The following BCAR1 variants were observed in gnomAD, a reference collection of about 807,000 sequenced individuals.
BCAR1 encodes the protein BCAR1 scaffold protein, Cas family member, also known as breast cancer anti-estrogen resistance protein 1.
In BCAR1, 30 loss-of-function variants were observed where a neutral mutation model predicts 67.6. The ratio of observed to expected loss-of-function variants is 0.44; its 90% CI spans 0.33 to 0.60. BCAR1 has a LOEUF of 0.60. Among genes scored for constraint, BCAR1 ranks in the 20% least tolerant of loss-of-function variants. The pLI is 0.02. For missense variants in BCAR1, 1,313 were observed against 1,222.3 expected (o/e 1.07, Z -1.11); for synonymous variants, 626 against 556.7 (o/e 1.12, Z -1.75).
rs777232134 is a variant in BCAR1 at position 75,235,206 on chromosome 16, C to A, written c.1693G>T (p.Gly565Cys). 1.2e-6 allele frequency: 2 copies of A among 1,608,396 alleles called. No homozygotes were observed. The highest frequency in any genetic ancestry group is 2.2e-5 in the South Asian group (2 of 91,008). Reference protein sequence around the residue: ...LVAHGQALDAGRGGSGATLED... With the variant: ...LVAHGQALDACRGGSGATLED... ...AGGGTGGCTCCAGAGCCTCCCCGGC[C>A]AGCGTCGAGGGCCTGACCATGTGCC... The change falls in exon 5 of 7, where the codon GGC (glycine) becomes TGC (cysteine). Residue 565 changes from glycine (G) to cysteine (C), a missense_variant. Coordinates refer to ENST00000162330, the MANE Select transcript of BCAR1 (RefSeq NM_014567.5).
intron 1 of BCAR1, among the ~76,000 whole-genome samples, chr16:75,267,097 GCCTTTTT>G (rs988389373): frequency 1.6e-4 from 24 of 152,302 alleles, no homozygotes; most frequent in African/African-American, 5.8e-4. Flanking sequence ...TGGGTTTTCA[GCCTTTTT>G]CCCCAAGGGG....
chr16:75,249,459 C>G (rs114101963), intron 1 of BCAR1: 2 of 152,256 alleles, frequency 1.3e-5, no homozygotes, highest in African/African-American at 2.4e-5. Context: ...CCCTCTTACA[C>G]GGAGACCACC....
At chr16:75,232,375 G>T (rs534864966) in intron 6 of BCAR1, among the ~76,000 whole-genome samples, 2 of 152,230 alleles carry the variant, frequency 1.3e-5, no homozygotes, top group African/African-American at 2.4e-5. Flanking sequence ...GACCAGGCTG[G>T]TCTCAAACTC....
Position 75,229,407 on chromosome 16 carries a change from T to C in BCAR1, c.*104A>G. The C allele has an allele frequency of 1.4e-6, 2 of 1,401,350 alleles. No individual in the cohort carries two copies. The highest frequency in any genetic ancestry group is 1.9e-6 in the Non-Finnish European group (2 of 1,068,182). 86.8% of individuals were successfully genotyped at this position (1,401,350 alleles called of 1,614,324 possible). A position where few individuals can be genotyped will look rare whatever the true frequency, so the allele number is the denominator to read the frequency against. On this transcript the variant is annotated 3_prime_UTR_variant, in exon 7 of 7. Coordinates refer to ENST00000162330, the MANE Select transcript of BCAR1 (RefSeq NM_014567.5). ...CAGGGCACCAGGACCGACGCAGAGCTGGGGTCCTGTCCCTAAGCCTGTGGC... is the reference window on the plus strand; with the variant it reads ...CAGGGCACCAGGACCGACGCAGAGCCGGGGTCCTGTCCCTAAGCCTGTGGC...
intron 2 of BCAR1, chr16:75,238,976 G>A (rs1398168718): frequency 2.0e-6 from 2 of 985,282 alleles, no homozygotes; most frequent in African/African-American, 3.5e-5. Flanking sequence ...CACCCTGCCG[G>A]TGGCCATCCC....
chr16:75,266,859 G>T, intron 1 of BCAR1: 1 of 1,164,110 alleles, frequency 8.6e-7, no homozygotes, highest in Non-Finnish European at 1.1e-6. Context: ...GACGGAGCCA[G>T]CTCCATGAGG....
chr16:75,235,953 C>T lies in BCAR1; in HGVS notation c.946G>A (p.Val316Met). Reference protein sequence around the residue: ...YDVPPSVSKDVPDGPLLREET... With the variant: ...YDVPPSVSKDMPDGPLLREET... Reference sequence around the variant, plus strand: ...TCACGCAGCAGTGGGCCATCGGGCACATCCTTGCTCACCGATGGAGGAACG... The same window carrying T: ...TCACGCAGCAGTGGGCCATCGGGCATATCCTTGCTCACCGATGGAGGAACG... Residue 316 changes from valine (V) to methionine (M), a missense_variant, in exon 5 of 7, where the codon GTG becomes ATG. Val to Met is a conservative substitution (Grantham distance 21, BLOSUM62 1). This residue lies in a region of BCAR1 where 1,272 missense variants were observed against 1,137.5 expected (regional missense o/e 1.12). Coordinates refer to ENST00000162330, the MANE Select transcript of BCAR1 (RefSeq NM_014567.5). The T allele has an allele frequency of 6.3e-7, 1 of 1,575,268 alleles. No homozygotes were observed. The highest frequency in any genetic ancestry group is 8.6e-7 in the Non-Finnish European group (1 of 1,159,772).
At chr16:75,264,703 C>G in intron 1 of BCAR1, 4 of 1,213,944 alleles carry the variant, frequency 3.3e-6, no homozygotes, top group Non-Finnish European at 4.1e-6. Flanking sequence ...GTCATCTGCA[C>G]TCACTCTGGG....
intron 1 of BCAR1, among the ~76,000 whole-genome samples, chr16:75,258,069 C>T (rs544803640): frequency 6.6e-6 from 1 of 152,328 alleles, no homozygotes; most frequent in Admixed American, 6.5e-5. Flanking sequence ...CACAGCGGCA[C>T]CCTAGTGTCC....
intron 1 of BCAR1, among the ~76,000 whole-genome samples, chr16:75,262,863 G>A (rs11149810): frequency 0.44 from 66,380 of 152,080 alleles, 16,317 homozygotes; most frequent in Admixed American, 0.6. Flanking sequence ...TCCCAGGGAC[G>A]CAGAAGAGGT....
intron 1 of BCAR1, chr16:75,263,717 G>C (rs1272014376): frequency 1.0e-6 from 1 of 985,448 alleles, no homozygotes; most frequent in Non-Finnish European, 1.2e-6. Flanking sequence ...GCCCATCTAG[G>C]AAAAGACTGC....
At chr16:75,266,961 G>T (rs1340961086) in intron 1 of BCAR1, among the ~76,000 whole-genome samples, 5 of 152,198 alleles carry the variant, frequency 3.3e-5, no homozygotes, top group African/African-American at 4.8e-5. Flanking sequence ...CCATGTGGGG[G>T]GCGGGCCCTT....
chr16:75,247,985 G>A, intron 1 of BCAR1: 3 of 928,186 alleles, frequency 3.2e-6, no homozygotes, highest in East Asian at 4.8e-5. Context: ...CCCTGCGGGA[G>A]GCAGAGCTCT....
chr16:75,241,432 C>T (rs755040801), intron 2 of BCAR1, among the ~76,000 whole-genome samples: 17 of 152,128 alleles, frequency 1.1e-4, no homozygotes, highest in Non-Finnish European at 2.1e-4. Context: ...GGCTCCCCTA[C>T]AGGACACTGC....
intron 6 of BCAR1, among the ~76,000 whole-genome samples, chr16:75,233,350 G>A (rs1429312877): frequency 2.0e-5 from 3 of 151,936 alleles, no homozygotes; most frequent in African/African-American, 7.3e-5. Context: ...TCTAGCCTGT[G>A]TGACAGAACA....
chr16:75,238,944 A>T (rs2077238867), intron 2 of BCAR1: 3 of 985,364 alleles, frequency 3.0e-6, no homozygotes, highest in Non-Finnish European at 3.6e-6. Context: ...CACCAGCAGG[A>T]GGGATGAGCA....
chr16:75,248,889 A>C (rs2077598641), intron 1 of BCAR1: 1 of 152,518 alleles, frequency 6.6e-6, no homozygotes, highest in African/African-American at 2.4e-5. Context: ...GCTCCCCGAC[A>C]CAAGCACAGA....
intron 6 of BCAR1, among the ~76,000 whole-genome samples, chr16:75,230,356 G>A (rs1015572781): frequency 6.6e-6 from 1 of 152,184 alleles, no homozygotes; most frequent in East Asian, 1.9e-4. Context: ...CGTGACTTGA[G>A]ACGTGGCACT....
At chr16:75,253,530 C>T (rs750235024), upstream of BCAR1, among the ~76,000 whole-genome samples, 25 of 152,156 alleles carry the variant, frequency 1.6e-4, no homozygotes, top group Non-Finnish European at 3.2e-4. Context: ...CCTCCTCCCC[C>T]AGTAGCTGCA....
Sources: gnomAD v4.1 joint callset for allele counts (sites outside exome capture counted in the v4.1 genomes callset) on GRCh38, gnomAD v4.1.1 for gene constraint, gnomAD v4.1.1 regional missense constraint, MANE v1.5 for transcripts, NCBI Gene and HGNC (gene_info 2026-07-23, HGNC 2026-07-21) for gene names.